Variants in CAMKMT observed in about 807,000 individuals in gnomAD.
The protein encoded by CAMKMT is CaM KMT.
Under a neutral mutation model 48.0 loss-of-function variants are expected in CAMKMT, and 53 were observed. The ratio of observed to expected loss-of-function variants is 1.10; its 90% CI spans 0.89 to 1.39. The LOEUF is 1.39. Among genes scored for constraint, CAMKMT ranks in the 40% most tolerant of loss-of-function variants. The pLI is 0.00. For missense variants in CAMKMT, 428 were observed against 402.7 expected (o/e 1.06, Z -0.54); for synonymous variants, 165 against 152.3 (o/e 1.08, Z -0.61).
chr2:44,677,864 C>G (rs546074748), intron 3 of CAMKMT, among the ~76,000 whole-genome samples: 120 of 152,202 alleles, frequency 7.9e-4, no homozygotes, highest in African/African-American at 2.8e-3. Context: ...TGGCATAAAA[C>G]ACAAGTGTGT....
At chr2:44,390,665 T>C (rs1402253323) in intron 3 of CAMKMT, among the ~76,000 whole-genome samples, 4 of 152,134 alleles carry the variant, frequency 2.6e-5, no homozygotes, top group Non-Finnish European at 5.9e-5. Flanking sequence ...GGCTGTTTCT[T>C]CCTTCTTTGC....
chr2:44,595,254 A>G (rs1448778831), intron 3 of CAMKMT, among the ~76,000 whole-genome samples: 7 of 151,608 alleles, frequency 4.6e-5, no homozygotes, highest in Non-Finnish European at 5.9e-5. Flanking sequence ...CAATTCACCA[A>G]GGATCTGGTA....
chr2:44,640,950 C>G (rs1369559522), intron 3 of CAMKMT, among the ~76,000 whole-genome samples: 4 of 152,158 alleles, frequency 2.6e-5, no homozygotes, highest in Non-Finnish European at 5.9e-5. Context: ...TATATAGAAA[C>G]TGACATAGAG....
intron 3 of CAMKMT, among the ~76,000 whole-genome samples, chr2:44,643,511 T>C (rs1364936947): frequency 1.3e-5 from 2 of 152,162 alleles, no homozygotes; most frequent in Non-Finnish European, 2.9e-5. Flanking sequence ...GCTAGATCGG[T>C]AAAGATGAGA....
At chr2:44,631,445 G>A in intron 3 of CAMKMT, 2 of 574,080 alleles carry the variant, frequency 3.5e-6, no homozygotes, top group Non-Finnish European at 3.0e-6. Flanking sequence ...ACAAATCAAA[G>A]AGTTTAAATA....
chr2:44,456,699 C>G (rs948754755), intron 3 of CAMKMT: 9 of 1,208,404 alleles, frequency 7.4e-6, no homozygotes, highest in Non-Finnish European at 1.0e-5. Context: ...CCTACCTCTG[C>G]TTGTCTTCAT....
At chr2:44,558,253 T>C (rs1345234276) in intron 3 of CAMKMT, among the ~76,000 whole-genome samples, 2 of 152,142 alleles carry the variant, frequency 1.3e-5, no homozygotes, top group African/African-American at 4.8e-5. Context: ...TTGCCCAGGC[T>C]GATCTTGAAC....
intron 3 of CAMKMT, among the ~76,000 whole-genome samples, chr2:44,500,728 C>A (rs1432041826): frequency 6.7e-6 from 1 of 149,722 alleles, no homozygotes; most frequent in Admixed American, 6.7e-5. Flanking sequence ...GTTGCCCAGG[C>A]TGGAGTGCAG....
At chr2:44,742,053 T>A (rs1236369460) in intron 7 of CAMKMT, among the ~76,000 whole-genome samples, 1 of 152,216 alleles carries the variant, frequency 6.6e-6, no homozygotes, top group East Asian at 1.9e-4. Flanking sequence ...ATGTATACTT[T>A]AAACCATCTT....
intron 8 of CAMKMT, among the ~76,000 whole-genome samples, chr2:44,750,156 T>TTC (rs1553446830): frequency 4.6e-5 from 7 of 152,032 alleles, no homozygotes; most frequent in African/African-American, 7.2e-5. Flanking sequence ...CTTTTTTTTT[T>TTC]TCTCTCTCTC....
intron 3 of CAMKMT, among the ~76,000 whole-genome samples, chr2:44,395,931 A>T (rs1003089572): frequency 1.3e-5 from 2 of 152,170 alleles, no homozygotes; most frequent in African/African-American, 2.4e-5. Context: ...AGAAATACAC[A>T]TATAAATCAA....
chr2:44,365,598 A>G (rs527422836), intron 1 of CAMKMT, among the ~76,000 whole-genome samples: 6 of 152,148 alleles, frequency 3.9e-5, no homozygotes, highest in Non-Finnish European at 8.8e-5. Flanking sequence ...CCAACATCCA[A>G]ATCATTTCCT....
At chr2:44,548,989 C>G (rs1170468325) in intron 3 of CAMKMT, among the ~76,000 whole-genome samples, 2 of 152,152 alleles carry the variant, frequency 1.3e-5, no homozygotes, top group Admixed American at 1.3e-4. Flanking sequence ...GTTTAAGCTG[C>G]TAAATTTCTG....
intron 3 of CAMKMT, among the ~76,000 whole-genome samples, chr2:44,689,662 G>T (rs1180304739): frequency 1.3e-5 from 2 of 152,164 alleles, no homozygotes; most frequent in East Asian, 1.9e-4. Context: ...TTTCCCTCCT[G>T]CTAGGAACTC....
intron 2 of CAMKMT, among the ~76,000 whole-genome samples, chr2:44,375,268 C>G (rs1458130337): frequency 1.3e-5 from 2 of 150,756 alleles, no homozygotes; most frequent in Non-Finnish European, 2.9e-5. Context: ...TCATCTTCCT[C>G]TATATTTTTT....
chr2:44,542,573 T>C (rs1023798479), intron 3 of CAMKMT, among the ~76,000 whole-genome samples: 2 of 151,860 alleles, frequency 1.3e-5, no homozygotes, highest in African/African-American at 4.8e-5. Context: ...TCTCCATATA[T>C]GTATATATTT....
At chr2:44,427,993 T>A (rs1368042124) in intron 3 of CAMKMT, among the ~76,000 whole-genome samples, 1 of 152,194 alleles carries the variant, frequency 6.6e-6, no homozygotes, top group Non-Finnish European at 1.5e-5. Context: ...CAGCAGCCTC[T>A]AGGGGTTGCC....
intron 3 of CAMKMT, among the ~76,000 whole-genome samples, chr2:44,595,009 C>T (rs1000765600): frequency 6.6e-6 from 1 of 152,110 alleles, no homozygotes; most frequent in African/African-American, 2.4e-5. Flanking sequence ...TGAACGGACG[C>T]CTGTCAAAAG....
At chr2:44,705,338 G>A in intron 4 of CAMKMT, 1 of 985,164 alleles carries the variant, frequency 1.0e-6, no homozygotes, top group Non-Finnish European at 1.2e-6. Context: ...TCCCAAACTG[G>A]GAAGAGGAAA....
Sources: allele counts gnomAD v4.1 joint callset (sites outside exome capture counted in the v4.1 genomes callset), GRCh38; gene constraint gnomAD v4.1.1; transcripts MANE v1.5; gene names NCBI Gene and HGNC (gene_info 2026-07-23, HGNC 2026-07-21).